CNTN4: variants seen among roughly 807,000 people sequenced by gnomAD.
CNTN4 encodes contactin 4.
Under a neutral mutation model 122.5 loss-of-function variants are expected in CNTN4, and 77 were observed. The observed-to-expected ratio is 0.63, with a 90% confidence interval of 0.52 to 0.76. The LOEUF is 0.76. CNTN4 is among the 30% of genes least tolerant of loss of function. The probability of loss-of-function intolerance (pLI) is 0.00; values close to 1 mark genes in which losing one functional copy is unlikely to be tolerated. For missense variants in CNTN4, 1,256 were observed against 1,259.1 expected, an observed-to-expected ratio of 1.00 and a Z score of 0.04; for synonymous variants, 512 against 447.0, an observed-to-expected ratio of 1.15 and a Z score of -1.83.
chr3:2,662,846 G>A (rs141883403), intron 4 of CNTN4, among the ~76,000 whole-genome samples: 8,015 of 152,080 alleles, frequency 0.053, 230 homozygotes, highest in African/African-American at 0.068. Context: ...TAATCCCAGC[G>A]CTTTGGGAGG....
chr3:2,724,941 GGTTT>G (rs2088116350), intron 4 of CNTN4, among the ~76,000 whole-genome samples: 1 of 151,884 alleles, frequency 6.6e-6, no homozygotes, highest in African/African-American at 2.4e-5. Flanking sequence ...AAGAAACGGT[GGTTT>G]CTCCCAGTCC....
intron 2 of CNTN4, among the ~76,000 whole-genome samples, chr3:2,327,626 G>T (rs1204728010): frequency 6.6e-6 from 1 of 152,100 alleles, no homozygotes; most frequent in Non-Finnish European, 1.5e-5. Context: ...CCATAATGCA[G>T]ATCTCATTAA....
chr3:2,204,981 A>G (rs578119474), intron 2 of CNTN4, among the ~76,000 whole-genome samples: 26 of 152,230 alleles, frequency 1.7e-4, no homozygotes, highest in African/African-American at 5.8e-4. Flanking sequence ...GTATTTATTT[A>G]TTTGTACTAG....
At chr3:2,110,460 C>G in intron 2 of CNTN4, 1 of 145,508 alleles carries the variant, frequency 6.9e-6, no homozygotes, top group East Asian at 1.9e-4. Context: ...CATTCTTTGC[C>G]ACATTCCTGT....
intron 4 of CNTN4, among the ~76,000 whole-genome samples, chr3:2,657,887 T>G (rs73805372): frequency 0.016 from 2,388 of 151,708 alleles, 60 homozygotes; most frequent in African/African-American, 0.056. Flanking sequence ...ACACTGTACC[T>G]TCCATATCAT....
chr3:2,974,868 CCAAAGAGTTG>C (rs1168428331), intron 13 of CNTN4, among the ~76,000 whole-genome samples: 6 of 152,142 alleles, frequency 3.9e-5, no homozygotes, highest in African/African-American at 7.2e-5. Context: ...CCTGCCATCA[CCAAAGAGTTG>C]CAAATTGGAT....
chr3:2,627,426 A>G (rs1225718312), intron 4 of CNTN4, among the ~76,000 whole-genome samples: 1 of 151,120 alleles, frequency 6.6e-6, no homozygotes, highest in Non-Finnish European at 1.5e-5. Context: ...ACCTTAGGGT[A>G]GCAGTAAACT....
chr3:2,914,996 C>T (rs2094338588), intron 12 of CNTN4, among the ~76,000 whole-genome samples: 1 of 152,204 alleles, frequency 6.6e-6, no homozygotes, highest in Non-Finnish European at 1.5e-5. Flanking sequence ...ATATAATATA[C>T]TGCAGAATGA....
intron 2 of CNTN4, among the ~76,000 whole-genome samples, chr3:2,265,181 T>C (rs11706067): frequency 0.11 from 15,339 of 138,516 alleles, 931 homozygotes; most frequent in Middle Eastern, 0.17. Context: ...TTGCTGTGAA[T>C]GCAATTATTT....
At chr3:2,528,974 C>T (rs1021017028) in intron 3 of CNTN4, among the ~76,000 whole-genome samples, 2 of 152,108 alleles carry the variant, frequency 1.3e-5, no homozygotes, top group African/African-American at 4.8e-5. Flanking sequence ...ATCCTCTCTT[C>T]TAGCTTTCTG....
chr3:2,820,776 T>C (rs2092846471), intron 7 of CNTN4, among the ~76,000 whole-genome samples: 1 of 151,974 alleles, frequency 6.6e-6, no homozygotes, highest in Admixed American at 6.6e-5. Flanking sequence ...TATATATTTC[T>C]TATTAATCAC....
chr3:2,243,981 G>A (rs2040042364), intron 2 of CNTN4, among the ~76,000 whole-genome samples: 1 of 152,010 alleles, frequency 6.6e-6, no homozygotes, highest in African/African-American at 2.4e-5. Context: ...ATGTTATTCA[G>A]CCTAATTTGT....
At chr3:2,354,046 C>T (rs1340564517) in intron 3 of CNTN4, among the ~76,000 whole-genome samples, 1 of 152,128 alleles carries the variant, frequency 6.6e-6, no homozygotes, top group Non-Finnish European at 1.5e-5. Flanking sequence ...ATGACGTAAC[C>T]TAAAGTAGGT....
chr3:2,180,501 G>A (rs1243959184), intron 2 of CNTN4, among the ~76,000 whole-genome samples: 1 of 151,934 alleles, frequency 6.6e-6, no homozygotes, highest in Non-Finnish European at 1.5e-5. Context: ...TCATTGATAG[G>A]TCTAGTAAGA....
intron 3 of CNTN4, among the ~76,000 whole-genome samples, chr3:2,515,529 A>G (rs1242839230): frequency 1.3e-5 from 2 of 152,206 alleles, no homozygotes; most frequent in Non-Finnish European, 2.9e-5. Flanking sequence ...ATTAACAAAT[A>G]GATACCCGTC....
chr3:2,855,661 T>G (rs2093610558), intron 7 of CNTN4, among the ~76,000 whole-genome samples: 1 of 152,228 alleles, frequency 6.6e-6, no homozygotes, highest in East Asian at 1.9e-4. Flanking sequence ...CTGACCTGTG[T>G]CCAGGTCACA....
intron 6 of CNTN4, 46 bp downstream of exon 6, chr3:2,745,743 G>A (rs761103002): frequency 6.4e-6 from 10 of 1,551,610 alleles, no homozygotes; most frequent in Admixed American, 1.7e-5. Flanking sequence ...TTCAGTTTGT[G>A]TACCATTATA....
At chr3:2,186,946 C>A (rs1439716404) in intron 2 of CNTN4, among the ~76,000 whole-genome samples, 3 of 152,116 alleles carry the variant, frequency 2.0e-5, no homozygotes, top group Non-Finnish European at 4.4e-5. Context: ...TCTCATTTGT[C>A]AATTTTGGCT....
chr3:2,689,995 T>C (rs2085644482), intron 4 of CNTN4, among the ~76,000 whole-genome samples: 1 of 152,154 alleles, frequency 6.6e-6, no homozygotes, highest in Non-Finnish European at 1.5e-5. Context: ...CATCACTTTC[T>C]ATTTTTGTTG....
Sources: allele counts gnomAD v4.1 joint callset (sites outside exome capture counted in the v4.1 genomes callset), GRCh38; gene constraint gnomAD v4.1.1; transcripts MANE v1.5; gene names NCBI Gene and HGNC (gene_info 2026-07-23, HGNC 2026-07-21).